Variants in MPRIP observed in about 807,000 individuals in gnomAD.
The protein encoded by MPRIP is myosin phosphatase Rho interacting protein.
A neutral mutation model predicts 234.9 loss-of-function variants in MPRIP; 59 were observed. The observed-to-expected ratio is 0.25, with a 90% CI of 0.20 to 0.31. The LOEUF (loss-of-function observed/expected upper bound fraction) is 0.31. Ranked by LOEUF, MPRIP falls within the 10% of genes least tolerant of loss-of-function variation. The probability of loss-of-function intolerance (pLI) is 1.00; values close to 1 mark genes in which losing one functional copy is unlikely to be tolerated. For synonymous variants in MPRIP, 1,144 were observed against 1,263.9 expected (o/e 0.91, Z 2.01); for missense variants, 2,436 against 3,071.0 (o/e 0.79, Z 4.89).
chr17:17,167,254 G>A lies in MPRIP; in HGVS notation c.5663G>A (p.Arg1888Lys), dbSNP rs2046021262. 1.5e-6 allele frequency: 2 copies of A among 1,303,864 alleles called. No homozygotes were observed. Among genetic ancestry groups the A allele is most frequent in the South Asian group, 2.5e-5 (2 of 81,026 alleles). The allele number at this position is 1,303,864 out of a possible 1,614,324, so 80.8% of individuals were successfully genotyped here. A position where few individuals can be genotyped will look rare whatever the true frequency, so the allele number is the denominator to read the frequency against. Residue 1888 changes from arginine (R) to lysine (K), a missense_variant, in exon 16 of 24, where the codon AGG (arginine) becomes AAG (lysine). By Grantham distance (26) the Arg-to-Lys change is conservative. Coordinates refer to ENST00000651222, the MANE Select transcript of MPRIP (RefSeq NM_001364716.4). This position sits in a 1 kb window ranked among gnomAD's most constrained non-coding sequence, Gnocchi z 5.9. ...CAGGCACAGGCAGCCCGGGCCCTGA[G>A]GGAGGAGTATGAGGAGCTTCTCCGC... ...SEQAQAARAL[R>K]EEYEELLRKQ...
chr17:17,115,562 T>C (rs1263173707), intron 3 of MPRIP, among the ~76,000 whole-genome samples: 4 of 152,204 alleles, frequency 2.6e-5, no homozygotes, highest in African/African-American at 9.7e-5. Flanking sequence ...TTGTTTGAAG[T>C]GTACAGGTCA....
intron 15 of MPRIP, 70 bp from the exon 16 acceptor site, chr17:17,164,039 G>A (rs1478399042): frequency 8.9e-7 from 1 of 1,118,354 alleles, no homozygotes; most frequent in Non-Finnish European, 1.2e-6. Context: ...GTTGTTCCTG[G>A]CCAGAGGTGT....
In MPRIP at chr17:17,138,037, G is replaced by A. The variant is rs146716767; in HGVS notation, c.858G>A (p.Pro286=). The A allele has an allele frequency of 6.2e-6, 10 of 1,609,208 alleles. No homozygotes were observed. The highest frequency in any genetic ancestry group is 1.1e-5 in the South Asian group (1 of 90,694). ...DLKAEEQQLP[P]PLSPPSPSTP... ...AGGCTGAAGAACAGCAGCTGCCCCC[G>A]CCGCTCTCCCCTCCCAGCCCCAGCA... The change falls in exon 7 of 24, where the codon CCG becomes CCA. Residue 286 remains proline, a synonymous_variant. Transcript: ENST00000651222. This position sits in a 1 kb window ranked among gnomAD's most constrained non-coding sequence, Gnocchi z 5.8.
At chr17:17,090,946 GGTA>G (rs1385803497) in intron 3 of MPRIP, among the ~76,000 whole-genome samples, 2 of 152,100 alleles carry the variant, frequency 1.3e-5, no homozygotes, top group African/African-American at 4.8e-5. Flanking sequence ...AACTGGAGCA[GGTA>G]TTTACACCTC....
intron 3 of MPRIP, chr17:17,096,828 C>T (rs1265241572): frequency 2.1e-6 from 1 of 471,026 alleles, no homozygotes; most frequent in Non-Finnish European, 4.4e-6. Context: ...TGGATTCATT[C>T]ACCCATTGCT....
chr17:17,125,487 G>C (rs972491624), intron 3 of MPRIP, among the ~76,000 whole-genome samples: 4 of 152,244 alleles, frequency 2.6e-5, no homozygotes, highest in African/African-American at 9.6e-5. Flanking sequence ...TCTGACTCCT[G>C]CAGGCAGGCA....
chr17:17,098,511 C>T (rs547226597), intron 3 of MPRIP, among the ~76,000 whole-genome samples: 2 of 152,282 alleles, frequency 1.3e-5, no homozygotes, highest in South Asian at 2.1e-4. Context: ...GCTGAGTTTC[C>T]AGAGTTGAAA....
chr17:17,063,360 G>C (rs1316726922), intron 1 of MPRIP, among the ~76,000 whole-genome samples: 7 of 152,254 alleles, frequency 4.6e-5, no homozygotes, highest in Admixed American at 4.6e-4. Context: ...AGGAGATGTG[G>C]TGTTGTGAGA....
Position 17,190,610 on chromosome 17 carries a change from C to G in MPRIP, c.*5716C>G, listed in dbSNP as rs1272327304. 6.6e-6 allele frequency: 1 copy of G among 152,222 alleles called. No homozygotes were observed. The highest frequency in any genetic ancestry group is 1.9e-4 in the East Asian group (1 of 5,200). 9.4% of individuals were successfully genotyped at this position (152,222 alleles called of 1,614,324 possible). ...CTTTTGCCCTTTTCAGAACTGTGAG[C>G]TTCAAGTATTCTTGCTTCTCTGTAA... is the stretch of plus-strand genomic sequence containing the variant. On this transcript the variant is annotated 3_prime_UTR_variant, in exon 24 of 24. Coordinates refer to ENST00000651222, the MANE Select transcript of MPRIP (RefSeq NM_001364716.4).
Position 17,078,781 on chromosome 17 carries a change from C to A in MPRIP, c.267+705C>A. Among the ~76,000 whole-genome samples, 1 of 152,224 alleles carries A rather than the reference C, an allele frequency of 6.6e-6. No homozygotes were observed. The highest frequency in any genetic ancestry group is 1.9e-4 in the East Asian group (1 of 5,202). ...GACTTTTTCTCTAAAGGAGATTAGT[C>A]TCTCCTAATTAATCTAAAGTAGGAC... is the stretch of plus-strand genomic sequence containing the variant. On this transcript the variant is annotated intron_variant, in intron 3 of 23. Coordinates refer to ENST00000651222, the MANE Select transcript of MPRIP (RefSeq NM_001364716.4). The surrounding 1 kb of genome is among the most constrained non-coding windows in gnomAD (Gnocchi z 4.3).
rs147547633 is a variant in MPRIP at position 17,151,668 on chromosome 17, G to A, written c.1719+1435G>A. ...CCCTGAGTTGTCTTGTCAGCATGAA[G>A]TGTTAGGTGGGGTCCCAGGGTACCA... On this transcript the variant is annotated intron_variant, in intron 12 of 23. Coordinates refer to ENST00000651222, the MANE Select transcript of MPRIP (RefSeq NM_001364716.4). 4.7e-3 allele frequency among the ~76,000 whole-genome samples: 710 copies of A among 152,372 alleles called. 4 individuals carry two copies. The highest frequency in any genetic ancestry group is 0.02 in the Middle Eastern group (6 of 294).
intron 3 of MPRIP, among the ~76,000 whole-genome samples, chr17:17,086,814 C>T (rs1307285725): frequency 1.3e-5 from 2 of 152,212 alleles, no homozygotes; most frequent in African/African-American, 2.4e-5. Flanking sequence ...GAGTGGAGCA[C>T]GTAGAGGTCG....
intron 20 of MPRIP, among the ~76,000 whole-genome samples, chr17:17,175,623 G>A (rs568602577): frequency 2.6e-5 from 4 of 152,294 alleles, no homozygotes; most frequent in African/African-American, 9.6e-5. Context: ...TGGAGCCCTC[G>A]AGGGGCTGTG....
chr17:17,177,782 G>T (rs1188845782), intron 22 of MPRIP, among the ~76,000 whole-genome samples: 1 of 152,178 alleles, frequency 6.6e-6, no homozygotes, highest in Non-Finnish European at 1.5e-5. Flanking sequence ...TGGAGAATGG[G>T]AGGGAGCTCC....
At chr17:17,062,438 C>T (rs1307341153) in intron 1 of MPRIP, among the ~76,000 whole-genome samples, 1 of 152,246 alleles carries the variant, frequency 6.6e-6, no homozygotes. Flanking sequence ...CATCAACTCT[C>T]AATCTTTGTC....
rs893764459 is a variant in MPRIP at position 17,190,884 on chromosome 17, C to A, written c.*5990C>A. The A allele has an allele frequency of 2.6e-5, 4 of 152,126 alleles. No individual in the cohort carries two copies. Among genetic ancestry groups the A allele is most frequent in the Non-Finnish European group, 4.4e-5 (3 of 68,020 alleles). The allele number at this position is 152,126 out of a possible 1,614,324, so 9.4% of individuals were successfully genotyped here. On this transcript the variant is annotated 3_prime_UTR_variant, in exon 24 of 24. Coordinates refer to ENST00000651222, the MANE Select transcript of MPRIP (RefSeq NM_001364716.4). Reference sequence around the variant, plus strand: ...GCTGTGTTTATTTTCTTCAAAATAACCTGTATATTATTTAGAGCAAGCAAT... The same window carrying A: ...GCTGTGTTTATTTTCTTCAAAATAAACTGTATATTATTTAGAGCAAGCAAT...
rs1342505988 is a variant in MPRIP at position 17,188,972 on chromosome 17, CTT to C, written c.*4080_*4081del. 1.3e-5 allele frequency: 2 copies of C among 152,258 alleles called. No homozygotes were observed. Among genetic ancestry groups the C allele is most frequent in the Non-Finnish European group, 2.9e-5 (2 of 68,074 alleles). 9.4% of individuals were successfully genotyped at this position (152,258 alleles called of 1,614,324 possible). A position where few individuals can be genotyped will look rare whatever the true frequency, so the allele number is the denominator to read the frequency against. ...CCCTGCTCCTTTGTATGTTGGGTGA[CTT>C]TAATGGCTGGCCACATACCCCTTTC... On this transcript the variant is annotated 3_prime_UTR_variant, in exon 24 of 24. Transcript: ENST00000651222.
rs1251406155 is a variant in MPRIP at position 17,164,281 on chromosome 17, C to G, written c.2690C>G (p.Ala897Gly). 6.1e-6 allele frequency: 8 copies of G among 1,304,128 alleles called. No homozygotes were observed. Among genetic ancestry groups the G allele is most frequent in the Non-Finnish European group, 8.1e-6 (8 of 988,984 alleles). The allele number at this position is 1,304,128 out of a possible 1,614,324, so 80.8% of individuals were successfully genotyped here. The change falls in exon 16 of 24, where the codon GCT (alanine) becomes GGT (glycine). Residue 897 changes from alanine (A) to glycine (G), a missense_variant. Physicochemically the swap from Ala to Gly is moderately conservative, Grantham distance 60. Around this residue, in one of 4 missense-constraint regions of MPRIP, gnomAD observed 1,998 missense variants for 2,520.3 expected, o/e 0.79. Transcript: ENST00000651222. ...AAGGACACGATCCGGCACCACGAGG[C>G]TGAGATCCGGAGCCTTCAGGCACGG... is the stretch of plus-strand genomic sequence containing the variant. The part of the protein sequence containing the change: ...EAKDTIRHHE[A>G]EIRSLQARLS...
rs575496917 is a variant in MPRIP at position 17,063,367 on chromosome 17, G to A, written c.124-12343G>A. Among the ~76,000 whole-genome samples the A allele has an allele frequency of 6.6e-5, 10 of 152,376 alleles. No individual in the cohort carries two copies. In the East Asian group the frequency reaches 1.2e-3, roughly 18 times the overall value. ...CCCCAGCGAGGAGATGTGGTGTTGT[G>A]AGAGAGAAGGAATACATTTGGCCTG... On this transcript the variant is annotated intron_variant, in intron 1 of 23. Transcript: ENST00000651222.
Sources: allele counts gnomAD v4.1 joint callset (sites outside exome capture counted in the v4.1 genomes callset), GRCh38; gene constraint gnomAD v4.1.1; regional missense constraint gnomAD v4.1.1; non-coding constraint Gnocchi (gnomAD v3.1); transcripts MANE v1.5; gene names NCBI Gene and HGNC (gene_info 2026-07-23, HGNC 2026-07-21).